SCAI: variants seen among roughly 807,000 people sequenced by gnomAD.
SCAI encodes the protein protein SCAI.
SCAI carries 24 observed loss-of-function variants against 92.2 expected under a neutral mutation model. That is an observed-to-expected ratio of 0.26 (90% confidence interval 0.19 to 0.37). The LOEUF (loss-of-function observed/expected upper bound fraction) is 0.37, where lower values mean the gene tolerates loss of function less well. Among genes scored for constraint, SCAI ranks in the 10% least tolerant of loss-of-function variants. The pLI, the probability that SCAI is intolerant of heterozygous loss-of-function variation, is 1.00. For missense variants in SCAI, 450 were observed against 736.2 expected, an observed-to-expected ratio of 0.61 and a Z score of 4.50; for synonymous variants, 261 against 258.6, an observed-to-expected ratio of 1.01 and a Z score of -0.09.
chr9:125,108,114 G>C (rs1333801817), intron 2 of SCAI, among the ~76,000 whole-genome samples: 1 of 152,262 alleles, frequency 6.6e-6, no homozygotes, highest in East Asian at 1.9e-4. Context: ...GATTGCAGAC[G>C]GAGTCTCATT....
In SCAI at chr9:124,995,030, A is replaced by T; in HGVS notation, c.1245-15T>A. ...CGGGATGAAGGCTGGGAAAACAACA[A>T]CGAAGAACTGTTAAACTGTGTCAGC... On this transcript the variant is annotated splice_polypyrimidine_tract_variant and intron_variant, in intron 13 of 17. Transcript: ENST00000336505. 2 of 1,588,002 alleles carry T rather than the reference A, an allele frequency of 1.3e-6. No individual in the cohort carries two copies. The highest frequency in any genetic ancestry group is 1.7e-6 in the Non-Finnish European group (2 of 1,159,886).
In SCAI at chr9:125,003,218, A is replaced by G; in HGVS notation, c.964-3T>C. On this transcript the variant is annotated splice_region_variant and splice_polypyrimidine_tract_variant and intron_variant, in intron 10 of 17. Coordinates refer to ENST00000336505, the MANE Select transcript of SCAI (RefSeq NM_001144877.3). ...CTAGTAGGCTTGTCAGCTGATTCCT[A>G]TATTTACACACAGAAAACATTATAC... 3 of 1,601,760 alleles carry G rather than the reference A, an allele frequency of 1.9e-6. No homozygotes were observed. Among genetic ancestry groups the G allele is most frequent in the African/African-American group, 1.3e-5 (1 of 74,758 alleles).
chr9:125,004,773 ATATATATTTTTTTTTTTTTTTTT>A (rs1269716230), intron 9 of SCAI, among the ~76,000 whole-genome samples: 3 of 9,756 alleles, frequency 3.1e-4, no homozygotes, highest in African/African-American at 1.0e-3. Context: ...ATATATATAT[ATATATATTTTTTTTTTTTTTTTT>A]TTTTTTTTTG....
chr9:125,063,775 C>G (rs1363006560), intron 2 of SCAI, among the ~76,000 whole-genome samples: 1 of 143,656 alleles, frequency 7.0e-6, no homozygotes, highest in Non-Finnish European at 1.5e-5. Flanking sequence ...TTTTTTGAGA[C>G]AGAGTTTCAC....
At chr9:125,004,777 ATATTTTTTTTTTTTTTT>A (rs1298498348) in intron 9 of SCAI, among the ~76,000 whole-genome samples, 3 of 10,772 alleles carry the variant, frequency 2.8e-4, no homozygotes, top group African/African-American at 1.0e-3. Flanking sequence ...ATATATATAT[ATATTTTTTTTTTTTTTT>A]TTTTTTTTTT....
chr9:125,090,859 C>T (rs550461595), intron 2 of SCAI, among the ~76,000 whole-genome samples: 13 of 152,214 alleles, frequency 8.5e-5, no homozygotes, highest in Admixed American at 8.5e-4. Flanking sequence ...TGGCTCATGC[C>T]TGTAATCCCA....
At position 124,950,271 on chromosome 9, in the gene SCAI, T is replaced by A. The variant is rs1831213112; in HGVS notation, c.*2536A>T. On this transcript the variant is annotated 3_prime_UTR_variant, in exon 18 of 18. Transcript: ENST00000336505. ...GGAACCAAGAGTCCAAATTACAGAA[T>A]CAGAGTTGGAGAAGACCTGGGCCAA... 6.6e-6 allele frequency: 1 copy of A among 152,028 alleles called. No individual in the cohort carries two copies. The highest frequency in any genetic ancestry group is 2.4e-5 in the African/African-American group (1 of 41,388). The allele number at this position is 152,028 out of a possible 1,614,324, so 9.4% of individuals were successfully genotyped here.
chr9:124,987,950 G>A (rs200430923), intron 14 of SCAI, among the ~76,000 whole-genome samples: 24 of 152,020 alleles, frequency 1.6e-4, no homozygotes, highest in East Asian at 3.9e-4. Flanking sequence ...GTAACAGAGC[G>A]AGACTTCTTC....
At chr9:125,079,103 A>C (rs933520256) in intron 2 of SCAI, among the ~76,000 whole-genome samples, 1 of 151,410 alleles carries the variant, frequency 6.6e-6, no homozygotes, top group Admixed American at 6.6e-5. Context: ...TCTATTTCTG[A>C]TATTCATCTA....
intron 2 of SCAI, among the ~76,000 whole-genome samples, chr9:125,072,685 C>G (rs1345778674): frequency 1.3e-5 from 2 of 152,124 alleles, no homozygotes; most frequent in Non-Finnish European, 2.9e-5. Context: ...CTTAATAACT[C>G]CCCCATTTTC....
At chr9:125,050,239 G>T (rs189440393) in intron 3 of SCAI, among the ~76,000 whole-genome samples, 198 of 152,066 alleles carry the variant, frequency 1.3e-3, no homozygotes, top group African/African-American at 4.4e-3. Flanking sequence ...TCTCTATAAG[G>T]GCCATAGACC....
chr9:125,004,006 T>C (rs1372036574), intron 9 of SCAI, among the ~76,000 whole-genome samples: 2 of 152,004 alleles, frequency 1.3e-5, no homozygotes, highest in East Asian at 1.9e-4. Flanking sequence ...TGAAACCCCA[T>C]CTCTACTAAA....
chr9:125,135,660 A>G (rs955869183), intron 2 of SCAI, among the ~76,000 whole-genome samples: 1 of 150,718 alleles, frequency 6.6e-6, no homozygotes, highest in South Asian at 2.1e-4. Context: ...CTCAAAACTA[A>G]ATAAAAATTT....
chr9:125,095,266 G>A (rs1255561066), intron 2 of SCAI, among the ~76,000 whole-genome samples: 1 of 152,196 alleles, frequency 6.6e-6, no homozygotes, highest in Non-Finnish European at 1.5e-5. Flanking sequence ...TGTTCACAGT[G>A]TACCACAGCT....
chr9:124,999,212 C>T (rs1832307833), intron 13 of SCAI, among the ~76,000 whole-genome samples: 1 of 151,752 alleles, frequency 6.6e-6, no homozygotes, highest in African/African-American at 2.4e-5. Flanking sequence ...CATGGTAAAA[C>T]CCCATCTCTA....
At chr9:125,002,976 C>T (rs1157621840) in intron 11 of SCAI, 138 bp downstream of exon 11, 1 of 551,010 alleles carries the variant, frequency 1.8e-6, no homozygotes, top group Non-Finnish European at 3.2e-6. Context: ...TATCTATTAT[C>T]AGGATCATTA....
chr9:124,983,803 T>A (rs994358493), intron 14 of SCAI, among the ~76,000 whole-genome samples: 1 of 152,246 alleles, frequency 6.6e-6, no homozygotes, highest in Non-Finnish European at 1.5e-5. Flanking sequence ...GGTTTTACAG[T>A]CCATTGTTTT....
At chr9:124,971,622 A>T (rs769421689) in intron 16 of SCAI, 49 bp downstream of exon 16, 1 of 1,486,160 alleles carries the variant, frequency 6.7e-7, no homozygotes, top group South Asian at 1.3e-5. Context: ...AACCATTTTA[A>T]GCCATTATAG....
intron 2 of SCAI, among the ~76,000 whole-genome samples, chr9:125,097,446 T>C (rs538398666): frequency 1.3e-5 from 2 of 152,032 alleles, no homozygotes; most frequent in East Asian, 1.9e-4. Context: ...GAAAAAGTAA[T>C]AATTTAGAAA....
Sources: gnomAD v4.1 joint callset for allele counts (sites outside exome capture counted in the v4.1 genomes callset) on GRCh38, gnomAD v4.1.1 for gene constraint, MANE v1.5 for transcripts, NCBI Gene and HGNC (gene_info 2026-07-23, HGNC 2026-07-21) for gene names.